AXIN1: variants seen among roughly 807,000 people sequenced by gnomAD.
AXIN1 encodes the protein axin 1, also known as axin-1.
In AXIN1, 30 loss-of-function variants were observed where a neutral mutation model predicts 76.4. The observed-to-expected ratio is 0.39, with a 90% confidence interval of 0.29 to 0.53. The LOEUF (loss-of-function observed/expected upper bound fraction) is 0.53, where lower values mean the gene tolerates loss of function less well. Among genes scored for constraint, AXIN1 ranks in the 20% least tolerant of loss-of-function variants. The probability of loss-of-function intolerance (pLI) is 0.66; values close to 1 mark genes in which losing one functional copy is unlikely to be tolerated. For synonymous variants in AXIN1, 545 were observed against 501.4 expected, an observed-to-expected ratio of 1.09 and a Z score of -1.16; for missense variants, 1,140 against 1,198.8, an observed-to-expected ratio of 0.95 and a Z score of 0.72.
chr16:331,129 C>T (rs2053681970), intron 2 of AXIN1, among the ~76,000 whole-genome samples: 1 of 152,174 alleles, frequency 6.6e-6, no homozygotes, highest in African/African-American at 2.4e-5. Context: ...TGAAGGAGAC[C>T]AGCTCTCAGT....
chr16:325,367 C>A (rs889375760), intron 2 of AXIN1, among the ~76,000 whole-genome samples: 5 of 152,232 alleles, frequency 3.3e-5, no homozygotes, highest in African/African-American at 1.2e-4. Flanking sequence ...CTGAGATGCA[C>A]CCCTGCCTCC....
rs200314248 is a variant in AXIN1, at chr16:297,208, C to A, written c.1803G>T (p.Ala601=). Residue 601 remains alanine, a synonymous_variant, in exon 7 of 11, where the codon GCG becomes GCT. Transcript: ENST00000262320. ...CAGCCTTCTTGGCATTTCTTTTGCA[C>A]GCCACGCCCACCTTCCCACTGCAAG... ...GLAHSGKVGV[A]CKRNAKKAES... 6.2e-7 allele frequency: 1 copy of A among 1,607,420 alleles called. No individual in the cohort carries two copies. The highest frequency in any genetic ancestry group is 8.5e-7 in the Non-Finnish European group (1 of 1,179,918).
intron 2 of AXIN1, among the ~76,000 whole-genome samples, chr16:329,084 C>T (rs2053638069): frequency 6.6e-6 from 1 of 151,992 alleles, no homozygotes; most frequent in South Asian, 2.1e-4. Context: ...TCGAGACCAG[C>T]CTGACCGACA....
chr16:330,547 C>A (rs60907769), intron 2 of AXIN1, among the ~76,000 whole-genome samples: 26,478 of 152,160 alleles, frequency 0.17, 2,409 homozygotes, highest in South Asian at 0.28. Context: ...CTCTGCTCAG[C>A]GTGAACACCG....
chr16:297,200 C>T lies in AXIN1; in HGVS notation c.1811G>A (p.Arg604Lys), dbSNP rs2141504009. The change falls in exon 7 of 11, where the codon AGA (arginine) becomes AAA (lysine). Residue 604 changes from arginine (R) to lysine (K), a missense_variant. Around this residue, in one of 3 missense-constraint regions of AXIN1, gnomAD observed 429 missense variants for 405.8 expected, o/e 1.06. Coordinates refer to ENST00000262320, the MANE Select transcript of AXIN1 (RefSeq NM_003502.4). ...CCCCGACTCAGCCTTCTTGGCATTT[C>T]TTTTGCACGCCACGCCCACCTTCCC... ...HSGKVGVACK[R>K]NAKKAESGKS... The T allele has an allele frequency of 6.2e-7, 1 of 1,608,668 alleles. No homozygotes were observed. The highest frequency in any genetic ancestry group is 1.1e-5 in the South Asian group (1 of 91,088).
chr16:303,680 C>A (rs922040456), intron 5 of AXIN1, among the ~76,000 whole-genome samples: 3 of 152,162 alleles, frequency 2.0e-5, no homozygotes, highest in South Asian at 2.1e-4. Context: ...ACTCGCCCGC[C>A]CGTTTCCCTT....
rs2141467312 is a variant in AXIN1 at position 289,469 on chromosome 16, C to T, written c.2433G>A (p.Lys811=). ...RGRAVTLGQF[K]ELLTKKGSYR... ...AGCTGCCCTTTTTGGTCAGCAGCTC[C>T]TTGAACTGGCCCAGGGTGACAGCGC... Residue 811 remains lysine, a synonymous_variant, in exon 10 of 11, where the codon AAG becomes AAA. Coordinates refer to ENST00000262320, the MANE Select transcript of AXIN1 (RefSeq NM_003502.4). 2 of 1,612,982 alleles carry T rather than the reference C, an allele frequency of 1.2e-6. No individual in the cohort carries two copies. The highest frequency in any genetic ancestry group is 1.3e-5 in the African/African-American group (1 of 75,070).
In AXIN1 at chr16:287,706, T is replaced by C. The variant is rs553867836; in HGVS notation, c.*416A>G. ...TGAAGGCACTCGGTGGCGCGTACAA[T>C]TGACAGAGGCCCTGCAGGCCTCTGC... On this transcript the variant is annotated 3_prime_UTR_variant, in exon 11 of 11. Coordinates refer to ENST00000262320, the MANE Select transcript of AXIN1 (RefSeq NM_003502.4). The C allele has an allele frequency of 1.1e-5, 4 of 350,316 alleles. No individual in the cohort carries two copies. Among genetic ancestry groups the C allele is most frequent in the Admixed American group, 4.3e-5 (1 of 23,118 alleles). 21.7% of individuals were successfully genotyped at this position (350,316 alleles called of 1,614,324 possible). A position where few individuals can be genotyped will look rare whatever the true frequency, so the allele number is the denominator to read the frequency against.
chr16:348,369 C>T (rs1597130165), intron 1 of AXIN1, among the ~76,000 whole-genome samples: 1 of 152,226 alleles, frequency 6.6e-6, no homozygotes, highest in Non-Finnish European at 1.5e-5. Context: ...AAACCCAGGA[C>T]CAACTGAAGG....
chr16:351,191 A>G (rs998461443), intron 1 of AXIN1, among the ~76,000 whole-genome samples: 8 of 151,952 alleles, frequency 5.3e-5, no homozygotes, highest in African/African-American at 1.7e-4. Context: ...GCCGGTTTAG[A>G]CTGTGTTTTC....
At chr16:309,877 G>T (rs1366985032) in intron 4 of AXIN1, 96 bp downstream of exon 4, 4 of 1,221,360 alleles carry the variant, frequency 3.3e-6, no homozygotes, top group East Asian at 4.9e-5. Context: ...CCTGGCTCGT[G>T]GGAGGCCAGG....
chr16:352,175 C>T (rs1018334615), intron 1 of AXIN1, among the ~76,000 whole-genome samples, 194 bp downstream of exon 1: 8 of 151,806 alleles, frequency 5.3e-5, no homozygotes, highest in Admixed American at 3.3e-4. Context: ...CCCCGAGACG[C>T]GCCCGAGGCC....
rs1039084407 is a variant in AXIN1, at chr16:332,108, C to G, written c.878+14040G>C. On this transcript the variant is annotated intron_variant, in intron 2 of 10. Transcript: ENST00000262320. ...ACAGGCAGTGCGAGAGTCCACAGGT[C>G]GGCAGCCTTCAGCAGCGACAATGGT... Among the ~76,000 whole-genome samples the G allele has an allele frequency of 3.3e-5, 5 of 152,288 alleles. No homozygotes were observed. The East Asian group carries it at 9.6e-4, about 29-fold the overall frequency.
In AXIN1 at chr16:339,190, T is replaced by C. The variant is rs1361364165; in HGVS notation, c.878+6958A>G. ...GTCAGGAGTTCAAAACCAGCCAGCC[T>C]GGTCTCAAAAAAAAAAAAAAAAAAA... On this transcript the variant is annotated intron_variant, in intron 2 of 10. Coordinates refer to ENST00000262320, the MANE Select transcript of AXIN1 (RefSeq NM_003502.4). 7.7e-5 allele frequency among the ~76,000 whole-genome samples: 8 copies of C among 104,560 alleles called. No individual in the cohort carries two copies. The East Asian group carries it at 2.2e-3, about 29-fold the overall frequency. The allele number at this position is 104,560 out of a possible 152,430, so 68.6% of individuals were successfully genotyped here. A position where few individuals can be genotyped will look rare whatever the true frequency, so the allele number is the denominator to read the frequency against.
chr16:304,516 C>A (rs1004519333), intron 4 of AXIN1, 75 bp from the exon 5 acceptor site: 2 of 1,596,926 alleles, frequency 1.3e-6, no homozygotes, highest in Non-Finnish European at 1.7e-6. Context: ...AGGGAAAGAG[C>A]GTGTGCTATC....
intron 3 of AXIN1, among the ~76,000 whole-genome samples, chr16:311,093 C>T (rs1038772589): frequency 4.1e-5 from 4 of 98,200 alleles, no homozygotes; most frequent in Admixed American, 3.5e-4. Flanking sequence ...AGTGTAGTGG[C>T]GCGATCTCGG....
intron 2 of AXIN1, among the ~76,000 whole-genome samples, chr16:334,147 A>G (rs998988736): frequency 3.3e-5 from 5 of 151,142 alleles, no homozygotes; most frequent in Admixed American, 6.6e-5. Context: ...CGGCATGCCA[A>G]TAACACAGCA....
At chr16:335,905 C>A (rs1045388612) in intron 2 of AXIN1, among the ~76,000 whole-genome samples, 1 of 152,124 alleles carries the variant, frequency 6.6e-6, no homozygotes, top group African/African-American at 2.4e-5. Flanking sequence ...AAAAAACGGC[C>A]ATTATTAACT....
intron 2 of AXIN1, among the ~76,000 whole-genome samples, chr16:321,371 G>A (rs2053453753): frequency 6.6e-6 from 1 of 152,212 alleles, no homozygotes; most frequent in Non-Finnish European, 1.5e-5. Flanking sequence ...CCCCAGGAGA[G>A]CTCTGCATAG....
Sources: gnomAD v4.1 joint callset for allele counts (sites outside exome capture counted in the v4.1 genomes callset) on GRCh38, gnomAD v4.1.1 for gene constraint, gnomAD v4.1.1 regional missense constraint, MANE v1.5 for transcripts, NCBI Gene and HGNC (gene_info 2026-07-23, HGNC 2026-07-21) for gene names.